TYRO3: variants seen among roughly 807,000 people sequenced by gnomAD.
TYRO3 encodes TYRO3 protein tyrosine kinase.
In TYRO3, 38 loss-of-function variants were observed where a neutral mutation model predicts 95.2. The observed-to-expected ratio is 0.40, with a 90% CI of 0.31 to 0.52. The LOEUF is 0.52. Among genes scored for constraint, TYRO3 ranks in the 20% least tolerant of loss-of-function variants. TYRO3 has a pLI of 0.56. For synonymous variants in TYRO3, 367 were observed against 432.9 expected (o/e 0.85, Z 1.89); for missense variants, 812 against 1,116.4 (o/e 0.73, Z 3.89).
Position 41,561,282 on chromosome 15 carries a change from A to G in TYRO3, c.280A>G (p.Ser94Gly). ...CTTGGACCAGTTGTACATCCCAGTCAGCGAGCAGCACTGGATCGGCTTCCT... is the reference window on the plus strand; with the variant it reads ...CTTGGACCAGTTGTACATCCCAGTCGGCGAGCAGCACTGGATCGGCTTCCT... The part of the protein sequence containing the change: ...QNLDQLYIPV[S>G]EQHWIGFLSL... The change falls in exon 2 of 19, where the codon AGC (serine) becomes GGC (glycine). Residue 94 changes from serine to glycine, a missense_variant. Physicochemically the swap from Ser to Gly is moderately conservative, Grantham distance 56. Coordinates refer to ENST00000263798, the MANE Select transcript of TYRO3 (RefSeq NM_006293.4). 1 of 1,613,940 alleles carries G rather than the reference A, an allele frequency of 6.2e-7. No homozygotes were observed.
chr15:41,564,125 C>A, intron 4 of TYRO3, 59 bp from the exon 5 acceptor site: 1 of 1,483,624 alleles, frequency 6.7e-7, no homozygotes, highest in South Asian at 1.1e-5. Flanking sequence ...TCCCCTTTCC[C>A]AGTCCCGCAC....
chr15:41,564,857 C>A (rs908866244), intron 5 of TYRO3, 169 bp from the exon 6 acceptor site: 4 of 609,728 alleles, frequency 6.6e-6, no homozygotes, highest in Non-Finnish European at 1.2e-5. Context: ...GCAGCTGTGC[C>A]CTACTGGTTG....
intron 13 of TYRO3, 142 bp from the exon 14 acceptor site, chr15:41,571,453 G>C: frequency 1.5e-6 from 1 of 658,440 alleles, no homozygotes; most frequent in Non-Finnish European, 2.8e-6. Flanking sequence ...CACTCCTTGG[G>C]GGTTTCTCCT....
chr15:41,578,260 C>T lies in TYRO3; in HGVS notation c.2657C>T (p.Pro886Leu). 6.2e-7 allele frequency: 1 copy of T among 1,613,344 alleles called. No homozygotes were observed. Among genetic ancestry groups the T allele is most frequent in the Non-Finnish European group, 8.5e-7 (1 of 1,180,016 alleles). ...RLLLLQQGLL[P>L]HSSC is the part of the protein sequence containing the mutation. The stretch of plus-strand genomic sequence containing the variant: ...TTGCTGCTGCAGCAAGGGCTACTGC[C>T]ACACAGTAGCTGTTAGCCCACAGGC... The change falls in exon 19 of 19, where the codon CCA becomes CTA. Residue 886 changes from proline (P) to leucine (L), a missense_variant. Coordinates refer to ENST00000263798, the MANE Select transcript of TYRO3 (RefSeq NM_006293.4).
chr15:41,567,208 G>T, intron 6 of TYRO3, 152 bp from the exon 7 acceptor site: 1 of 507,838 alleles, frequency 2.0e-6, no homozygotes, highest in Non-Finnish European at 3.2e-6. Context: ...GGAACCCTGT[G>T]TATTATTGGG....
intron 8 of TYRO3, among the ~76,000 whole-genome samples, chr15:41,568,652 C>T (rs1169701911): frequency 6.6e-6 from 1 of 152,124 alleles, no homozygotes; most frequent in African/African-American, 2.4e-5. Flanking sequence ...CGCTCCCATC[C>T]CCCACCTGTG....
Position 41,580,407 on chromosome 15 carries a change from AC to A in TYRO3, c.*2132del, listed in dbSNP as rs1212359360. 6.6e-6 allele frequency: 1 copy of A among 151,950 alleles called. No homozygotes were observed. The highest frequency in any genetic ancestry group is 1.5e-5 in the Non-Finnish European group (1 of 67,980). 9.4% of individuals were successfully genotyped at this position (151,950 alleles called of 1,614,324 possible). A position where few individuals can be genotyped will look rare whatever the true frequency, so the allele number is the denominator to read the frequency against. On this transcript the variant is annotated 3_prime_UTR_variant, in exon 19 of 19. Coordinates refer to ENST00000263798, the MANE Select transcript of TYRO3 (RefSeq NM_006293.4). ...GTCTGTAATCCCAGCTACTCAGGAC[AC>A]TGAGGCAGGAGAATTGCTTGAACTC... is the stretch of plus-strand genomic sequence containing the variant.
Position 41,559,384 on chromosome 15 carries a change from AG to A in TYRO3, c.124+7del, listed in dbSNP as rs2052131060. 6.6e-6 allele frequency: 2 copies of A among 300,896 alleles called. No homozygotes were observed. Among genetic ancestry groups the A allele is most frequent in the African/African-American group, 4.6e-5 (2 of 43,528 alleles). 18.6% of individuals were successfully genotyped at this position (300,896 alleles called of 1,614,324 possible). ...GCTCCCGGAGTCCGCCGCCGCAGGT[AG>A]GGGCTGGCACGGGAGGCGGCGGGAA... On this transcript the variant is annotated splice_donor_region_variant and intron_variant, in intron 1 of 18. Transcript: ENST00000263798.
rs763627229 is a variant in TYRO3 at position 41,578,296 on chromosome 15, G to A, written c.*20G>A. ...TGTTAGCCCACAGGCAGAGGGCATC[G>A]GGGCCATTTGGCCGGCTCTGGTGGC... On this transcript the variant is annotated 3_prime_UTR_variant, in exon 19 of 19. Transcript: ENST00000263798. The A allele has an allele frequency of 8.1e-6, 13 of 1,612,692 alleles. No individual in the cohort carries two copies. The highest frequency in any genetic ancestry group is 3.3e-5 in the South Asian group (3 of 90,996).
chr15:41,571,046 G>T lies in TYRO3; in HGVS notation c.1588G>T (p.Gly530Cys). Reference sequence around the variant, plus strand: ...CTTGGATTGGTTCCTAGGAGAGTTTGGTTCAGTGCGGGAGGCCCAGCTGAA... The same window carrying T: ...CTTGGATTGGTTCCTAGGAGAGTTTTGTTCAGTGCGGGAGGCCCAGCTGAA... ...LGRMLGKGEF[G>C]SVREAQLKQE... The change falls in exon 13 of 19, where the codon GGT becomes TGT. Residue 530 changes from glycine to cysteine, a missense_variant. Physicochemically the swap from Gly to Cys is radical, Grantham distance 159 (BLOSUM62 -3). Coordinates refer to ENST00000263798, the MANE Select transcript of TYRO3 (RefSeq NM_006293.4). 1 of 1,614,088 alleles carries T rather than the reference G, an allele frequency of 6.2e-7. No homozygotes were observed. The highest frequency in any genetic ancestry group is 1.1e-5 in the South Asian group (1 of 91,060).
At chr15:41,560,579 T>C (rs749059610) in intron 1 of TYRO3, among the ~76,000 whole-genome samples, 6 of 151,946 alleles carry the variant, frequency 3.9e-5, no homozygotes, top group Non-Finnish European at 1.5e-5. Context: ...CACATTCAGG[T>C]ATTAATAGAG....
At chr15:41,571,266 C>A in intron 13 of TYRO3, 148 bp downstream of exon 13, 1 of 758,398 alleles carries the variant, frequency 1.3e-6, no homozygotes, top group Non-Finnish European at 2.3e-6. Context: ...ACGAATAATT[C>A]ACAAGCATAA....
intron 3 of TYRO3, 98 bp downstream of exon 3, chr15:41,561,737 G>T (rs757189392): frequency 7.8e-6 from 7 of 895,300 alleles, no homozygotes; most frequent in Non-Finnish European, 1.0e-5. Context: ...AAGCTGGGCT[G>T]CCCCACTGCT....
chr15:41,573,248 G>T, intron 16 of TYRO3, 60 bp from the exon 17 acceptor site: 2 of 1,559,946 alleles, frequency 1.3e-6, no homozygotes, highest in Non-Finnish European at 1.8e-6. Flanking sequence ...AGATGTCCTG[G>T]CTCTTGTGGG....
intron 6 of TYRO3, 83 bp downstream of exon 6, chr15:41,565,224 C>A: frequency 1.2e-6 from 1 of 825,506 alleles, no homozygotes; most frequent in Non-Finnish European, 2.0e-6. Flanking sequence ...CACTAGCCAG[C>A]TCCTGGGGGC....
chr15:41,576,988 G>T (rs2055868860), intron 18 of TYRO3, among the ~76,000 whole-genome samples: 1 of 152,034 alleles, frequency 6.6e-6, no homozygotes, highest in African/African-American at 2.4e-5. Flanking sequence ...TACTGAGTAG[G>T]TACTGCCCAC....
chr15:41,577,745 C>T, intron 18 of TYRO3, 141 bp from the exon 19 acceptor site: 1 of 863,694 alleles, frequency 1.2e-6, no homozygotes, highest in Non-Finnish European at 1.7e-6. Context: ...TTCGGCCTCC[C>T]AAAGTGTTGA....
rs750303321 is a variant in TYRO3, at chr15:41,578,015, C to T, written c.2412C>T (p.Tyr804=). Reference sequence around the variant, plus strand: ...TATCTGCCAGCCAGGACCCCTTATACATCAACATCGAGAGAGCTGAGGAGC... The same window carrying T: ...TATCTGCCAGCCAGGACCCCTTATATATCAACATCGAGAGAGCTGAGGAGC... ...SVLSASQDPL[Y]INIERAEEPT... Residue 804 remains tyrosine, a synonymous_variant, in exon 19 of 19, where the codon TAC becomes TAT. Coordinates refer to ENST00000263798, the MANE Select transcript of TYRO3 (RefSeq NM_006293.4). 9.9e-6 allele frequency: 16 copies of T among 1,614,100 alleles called. No individual in the cohort carries two copies. Among genetic ancestry groups the T allele is most frequent in the Non-Finnish European group, 1.4e-5 (16 of 1,180,042 alleles).
rs1399406853 is a variant in TYRO3 at position 41,580,714 on chromosome 15, T to A, written c.*2438T>A. The stretch of plus-strand genomic sequence containing the variant: ...GGTGTGATCTCGGCTCACTGTAACC[T>A]CTGTCTCCCAGGTTTAATCAAGTCT... On this transcript the variant is annotated 3_prime_UTR_variant, in exon 19 of 19. Transcript: ENST00000263798. 1 of 150,278 alleles carries A rather than the reference T, an allele frequency of 6.7e-6. No individual in the cohort carries two copies. Among genetic ancestry groups the A allele is most frequent in the East Asian group, 2.0e-4 (1 of 4,926 alleles). 9.3% of individuals were successfully genotyped at this position (150,278 alleles called of 1,614,324 possible).
Sources: gnomAD v4.1 joint callset for allele counts (sites outside exome capture counted in the v4.1 genomes callset) on GRCh38, gnomAD v4.1.1 for gene constraint, MANE v1.5 for transcripts, NCBI Gene and HGNC (gene_info 2026-07-23, HGNC 2026-07-21) for gene names.